Variants in TMEM178B observed in about 807,000 individuals in gnomAD.
The protein encoded by TMEM178B is transmembrane protein 178B.
Under a neutral mutation model 31.0 loss-of-function variants are expected in TMEM178B, and 5 were observed. The ratio of observed to expected loss-of-function variants is 0.16; its 90% confidence interval spans 0.08 to 0.34. TMEM178B has a LOEUF of 0.34. TMEM178B is among the 10% of genes least tolerant of loss of function. TMEM178B has a pLI of 1.00. For missense variants in TMEM178B, 275 were observed against 400.3 expected (o/e 0.69, Z 2.67); for synonymous variants, 164 against 164.0 (o/e 1.00, Z 0.00).
intron 2 of TMEM178B, among the ~76,000 whole-genome samples, chr7:141,265,289 C>A (rs544643373): frequency 6.6e-6 from 1 of 151,950 alleles, no homozygotes; most frequent in African/African-American, 2.4e-5. Flanking sequence ...TGGTGAAAGG[C>A]TTTGAATGGG....
chr7:141,385,291 C>T (rs1038346968), intron 2 of TMEM178B, among the ~76,000 whole-genome samples: 10 of 152,146 alleles, frequency 6.6e-5, no homozygotes, highest in Non-Finnish European at 1.5e-4. Flanking sequence ...AAAGAATAAC[C>T]GTTAACAGGG....
chr7:141,094,030 T>C (rs921875039), intron 1 of TMEM178B, among the ~76,000 whole-genome samples: 3 of 152,178 alleles, frequency 2.0e-5, no homozygotes, highest in African/African-American at 7.2e-5. Context: ...GTTTTTCTTT[T>C]TAAATTAGAT....
chr7:141,285,154 C>CT (rs1030685003), intron 2 of TMEM178B, among the ~76,000 whole-genome samples: 1,543 of 52,786 alleles, frequency 0.029, 33 homozygotes, highest in East Asian at 0.034. Context: ...ATTCTTGTTT[C>CT]TTTTTTTTTT....
At chr7:141,238,041 A>G (rs7804797) in intron 2 of TMEM178B, among the ~76,000 whole-genome samples, 59,665 of 143,748 alleles carry the variant, frequency 0.42, 12,349 homozygotes, top group East Asian at 0.65. Context: ...AAAAAAAAAA[A>G]GGAAATTAAG....
chr7:141,400,293 A>C (rs905238784), intron 2 of TMEM178B, among the ~76,000 whole-genome samples: 6 of 152,236 alleles, frequency 3.9e-5, no homozygotes, highest in African/African-American at 1.4e-4. Flanking sequence ...GAGGTTCAAA[A>C]GTACAGAGAA....
intron 1 of TMEM178B, among the ~76,000 whole-genome samples, chr7:141,175,755 T>C (rs1796423325): frequency 6.6e-6 from 1 of 152,194 alleles, no homozygotes; most frequent in African/African-American, 2.4e-5. Context: ...ATGATTTGGC[T>C]GTTTGTCTGT....
intron 1 of TMEM178B, among the ~76,000 whole-genome samples, chr7:141,198,699 G>A (rs1796825750): frequency 6.6e-6 from 1 of 152,124 alleles, no homozygotes; most frequent in African/African-American, 2.4e-5. Context: ...CACTTCCTGG[G>A]TCCCCAGAGA....
the TMEM178B span, among the ~76,000 whole-genome samples, chr7:141,506,093 G>A: frequency 6.6e-6 from 1 of 152,204 alleles, no homozygotes; most frequent in South Asian, 2.1e-4. Context: ...TGCTCTACAG[G>A]TACACGTGCA....
chr7:141,368,087 A>G (rs966467416), intron 2 of TMEM178B, among the ~76,000 whole-genome samples: 3 of 152,158 alleles, frequency 2.0e-5, no homozygotes, highest in African/African-American at 7.2e-5. Context: ...GGGAGGCCAA[A>G]GTGGGCAGAT....
rs189302514 is a variant in TMEM178B at position 141,253,813 on chromosome 7, A to G, written c.496+41109A>G. On this transcript the variant is annotated intron_variant, in intron 2 of 3. Transcript: ENST00000565468. Reference sequence around the variant, plus strand: ...GTGATCCGCCTGCCTCGGCCTCTCAAAGTGCTGGGATTACAGGCGTGAGCC... The same window carrying G: ...GTGATCCGCCTGCCTCGGCCTCTCAGAGTGCTGGGATTACAGGCGTGAGCC... 1.6e-3 allele frequency among the ~76,000 whole-genome samples: 244 copies of G among 152,146 alleles called. 3 individuals are homozygous for G. Among genetic ancestry groups the G allele is most frequent in the African/African-American group, 5.5e-3 (228 of 41,514 alleles).
intron 3 of TMEM178B, among the ~76,000 whole-genome samples, chr7:141,440,909 G>A (rs1801645457): frequency 6.6e-6 from 1 of 152,198 alleles, no homozygotes; most frequent in Admixed American, 6.5e-5. Context: ...GGAAAAAACG[G>A]ATGTCCACAT....
At chr7:141,482,220 G>T (rs1277283304), downstream of TMEM178B, among the ~76,000 whole-genome samples, 1 of 152,162 alleles carries the variant, frequency 6.6e-6, no homozygotes. Context: ...TTAAATAATT[G>T]CAGACAGGCA....
chr7:141,086,418 T>C (rs1794788800), intron 1 of TMEM178B, among the ~76,000 whole-genome samples: 1 of 152,244 alleles, frequency 6.6e-6, no homozygotes, highest in Admixed American at 6.5e-5. Flanking sequence ...TATTATTACA[T>C]GAAGCATATG....
chr7:141,345,167 T>C (rs1191578913), intron 2 of TMEM178B, among the ~76,000 whole-genome samples: 1 of 152,208 alleles, frequency 6.6e-6, no homozygotes, highest in Non-Finnish European at 1.5e-5. Context: ...CTTTTCCATT[T>C]ATATATTGAA....
intron 3 of TMEM178B, among the ~76,000 whole-genome samples, chr7:141,440,154 G>C (rs1264999063): frequency 6.6e-6 from 1 of 152,242 alleles, no homozygotes; most frequent in South Asian, 2.1e-4. Flanking sequence ...TGTGCCTGGA[G>C]CCCTGCCCTT....
intron 1 of TMEM178B, among the ~76,000 whole-genome samples, chr7:141,144,864 C>T (rs965646914): frequency 2.6e-5 from 4 of 151,998 alleles, no homozygotes; most frequent in African/African-American, 7.2e-5. Context: ...CCCACAACAC[C>T]GACGTTGCTT....
At chr7:141,109,284 G>A (rs1244855952) in intron 1 of TMEM178B, among the ~76,000 whole-genome samples, 1 of 152,086 alleles carries the variant, frequency 6.6e-6, no homozygotes, top group Non-Finnish European at 1.5e-5. Context: ...ACAGGAAAAG[G>A]TAAGGGGTGG....
At chr7:141,413,723 T>G (rs1464740121) in intron 2 of TMEM178B, among the ~76,000 whole-genome samples, 1 of 152,250 alleles carries the variant, frequency 6.6e-6, no homozygotes, top group African/African-American at 2.4e-5. Flanking sequence ...AAGAGCTGTT[T>G]GAACTTCCTT....
chr7:141,387,180 A>G (rs1443516025), intron 2 of TMEM178B, among the ~76,000 whole-genome samples: 1 of 152,170 alleles, frequency 6.6e-6, no homozygotes, highest in African/African-American at 2.4e-5. Flanking sequence ...ACTAGTTTTG[A>G]CAGAATTCAT....
Sources: gnomAD v4.1 joint callset for allele counts (sites outside exome capture counted in the v4.1 genomes callset) on GRCh38, gnomAD v4.1.1 for gene constraint, MANE v1.5 for transcripts, NCBI Gene and HGNC (gene_info 2026-07-23, HGNC 2026-07-21) for gene names.